The following SANBR variants were observed in gnomAD, a reference collection of about 807,000 sequenced individuals.
The protein encoded by SANBR is SANT and BTB domain regulator of CSR, also known as SANT and BTB domain regulator of class switch recombination.
A neutral mutation model predicts 101.8 loss-of-function variants in SANBR; 77 were observed. The ratio of observed to expected loss-of-function variants is 0.76; its 90% confidence interval spans 0.63 to 0.91. SANBR has a LOEUF of 0.91. Ranked by LOEUF, SANBR falls within the 40% of genes least tolerant of loss-of-function variation. The pLI is 0.00. For missense variants in SANBR, 875 were observed against 853.0 expected, an observed-to-expected ratio of 1.03 and a Z score of -0.32; for synonymous variants, 279 against 274.7, an observed-to-expected ratio of 1.02 and a Z score of -0.15.
intron 8 of SANBR, among the ~76,000 whole-genome samples, chr2:61,083,734 T>G (rs1573606114): frequency 6.6e-6 from 1 of 151,618 alleles, no homozygotes; most frequent in African/African-American, 2.4e-5. Context: ...CCAGGTGTGG[T>G]GGCAGGCGCC....
chr2:61,134,481 C>G (rs1011114803), intron 21 of SANBR, among the ~76,000 whole-genome samples: 2 of 152,228 alleles, frequency 1.3e-5, no homozygotes, highest in East Asian at 1.9e-4. Flanking sequence ...CTGACCTCTT[C>G]TTTCTGTGTG....
chr2:61,078,483 G>A (rs903306080), intron 6 of SANBR, among the ~76,000 whole-genome samples: 1 of 151,942 alleles, frequency 6.6e-6, no homozygotes, highest in African/African-American at 2.4e-5. Context: ...GTGCAACGGT[G>A]CAATCTCAGC....
chr2:61,118,381 C>T (rs1343908107), intron 20 of SANBR, among the ~76,000 whole-genome samples: 4 of 151,474 alleles, frequency 2.6e-5, no homozygotes, highest in South Asian at 2.1e-4. Context: ...AGCTGGGTTA[C>T]AGGCATGCAC....
chr2:61,097,780 T>C lies in SANBR; in HGVS notation c.1293T>C (p.Asn431=), dbSNP rs369747239. 28 of 1,613,416 alleles carry C rather than the reference T, an allele frequency of 1.7e-5. No homozygotes were observed. The highest frequency in any genetic ancestry group is 2.4e-5 in the Non-Finnish European group (28 of 1,179,496). ...VVYPTAASSL[N]TVGTGIYPCC... ...ATCCTACTGCAGCAAGTTCATTGAA[T>C]ACTGTTGGCACTGGAATTTATCCCT... The change falls in exon 12 of 22, where the codon AAT becomes AAC. Residue 431 remains asparagine, a synonymous_variant. Transcript: ENST00000402291.
intron 16 of SANBR, among the ~76,000 whole-genome samples, chr2:61,113,569 T>C (rs557938903): frequency 1.3e-5 from 2 of 152,352 alleles, no homozygotes; most frequent in South Asian, 4.1e-4. Flanking sequence ...TCCTCCGTGT[T>C]TTTATGCTAT....
chr2:61,097,731 A>C lies in SANBR; in HGVS notation c.1244A>C (p.Gln415Pro), dbSNP rs1348843762. The C allele has an allele frequency of 6.2e-7, 1 of 1,608,336 alleles. No individual in the cohort carries two copies. The highest frequency in any genetic ancestry group is 1.3e-5 in the African/African-American group (1 of 74,958). Residue 415 changes from glutamine to proline, a missense_variant, in exon 12 of 22, where the codon CAA (glutamine) becomes CCA (proline). Transcript: ENST00000402291. ...AFLCIEFSHCQYHSETVVYPT... is the reference protein window; with the variant it reads ...AFLCIEFSHCPYHSETVVYPT... ...CTCTGTATTGAATTTTCACATTGTC[A>C]ATACCACTCAGAAACAGTGGTTTAT... is the stretch of plus-strand genomic sequence containing the variant.
chr2:61,126,449 G>T (rs1273097821), downstream of SANBR, among the ~76,000 whole-genome samples: 1 of 152,042 alleles, frequency 6.6e-6, no homozygotes, highest in Non-Finnish European at 1.5e-5. Context: ...TTTCGATGTG[G>T]CTCAGATCAC....
chr2:61,115,346 A>ATT lies in SANBR; in HGVS notation c.1745-624_1745-623dup, dbSNP rs34181850. Among the ~76,000 whole-genome samples the ATT allele has an allele frequency of 2.8e-3, 417 of 147,588 alleles. 1 individual carries two copies. Among genetic ancestry groups the ATT allele is most frequent in the African/African-American group, 9.3e-3 (375 of 40,308 alleles). ...TCACTCATCGTATATATATATATAT[A>ATT]TTTTTTTTTTGAGACAGAGTCTCGC... is the stretch of plus-strand genomic sequence containing the variant. On this transcript the variant is annotated intron_variant, in intron 16 of 21. Coordinates refer to ENST00000402291, the MANE Select transcript of SANBR (RefSeq NM_001129993.3).
chr2:61,066,847 C>T (rs1488052415), intron 1 of SANBR, among the ~76,000 whole-genome samples: 2 of 151,556 alleles, frequency 1.3e-5, no homozygotes, highest in African/African-American at 4.9e-5. Flanking sequence ...AGAAGGGGGT[C>T]GGGGAGGGGA....
intron 20 of SANBR, among the ~76,000 whole-genome samples, chr2:61,133,569 A>G (rs1684753601): frequency 6.6e-6 from 1 of 152,230 alleles, no homozygotes; most frequent in Non-Finnish European, 1.5e-5. Flanking sequence ...CCTGGGCAAC[A>G]TACCGAGACC....
intron 11 of SANBR, among the ~76,000 whole-genome samples, chr2:61,096,881 T>C (rs1238329631): frequency 1.3e-5 from 2 of 152,184 alleles, no homozygotes; most frequent in Non-Finnish European, 2.9e-5. Flanking sequence ...GGGCCAGGCA[T>C]GGTGGCTCAC....
chr2:61,077,248 T>C, intron 6 of SANBR, 90 bp downstream of exon 6: 1 of 866,656 alleles, frequency 1.2e-6, no homozygotes, highest in Non-Finnish European at 1.9e-6. Context: ...GGAAAATTGT[T>C]TGGACACCGG....
intron 5 of SANBR, among the ~76,000 whole-genome samples, chr2:61,074,799 G>C (rs1681673532): frequency 6.6e-6 from 1 of 151,988 alleles, no homozygotes; most frequent in South Asian, 2.1e-4. Flanking sequence ...TTATACTCTA[G>C]TCTAAAAAAC....
At position 61,122,844 on chromosome 2, in the gene SANBR, C is replaced by A. The variant is rs1684388592; in HGVS notation, c.*682C>A. 4 of 984,804 alleles carry A rather than the reference C, an allele frequency of 4.1e-6. No homozygotes were observed. The African/African-American group carries it at 7.0e-5, about 17-fold the overall frequency. 61.0% of individuals were successfully genotyped at this position (984,804 alleles called of 1,614,324 possible). On this transcript the variant is annotated 3_prime_UTR_variant, in exon 22 of 22. Transcript: ENST00000402291. ...TCTGAGCTGGAATTACTGATTATTA[C>A]TCTGTCCTCTGTGAAACTAGTGGCA...
chr2:61,128,586 A>G (rs928018733), downstream of SANBR, among the ~76,000 whole-genome samples: 3 of 151,576 alleles, frequency 2.0e-5, no homozygotes, highest in Admixed American at 1.3e-4. Context: ...TCCACCTCCC[A>G]GGTTCAAGTG....
In SANBR at chr2:61,082,548, G is replaced by A. The variant is rs554829730; in HGVS notation, c.730-606G>A. 3.9e-5 allele frequency among the ~76,000 whole-genome samples: 6 copies of A among 152,192 alleles called. No individual in the cohort carries two copies. The South Asian group carries it at 6.2e-4, about 16-fold the overall frequency. Reference sequence around the variant, plus strand: ...AATTATAAGAAGTTACAGACCAGGCGCGGTGGCTCACGCCTGTAATCCTAG... The same window carrying A: ...AATTATAAGAAGTTACAGACCAGGCACGGTGGCTCACGCCTGTAATCCTAG... On this transcript the variant is annotated intron_variant, in intron 7 of 21. Transcript: ENST00000402291.
At chr2:61,069,376 A>C (rs561230473) in intron 2 of SANBR, among the ~76,000 whole-genome samples, 2 of 151,764 alleles carry the variant, frequency 1.3e-5, no homozygotes, top group South Asian at 4.1e-4. Context: ...GCATTTCAGC[A>C]AGGTTCGATG....
chr2:61,074,083 C>G (rs1329733330), intron 5 of SANBR, among the ~76,000 whole-genome samples: 1 of 152,124 alleles, frequency 6.6e-6, no homozygotes, highest in Non-Finnish European at 1.5e-5. Flanking sequence ...AACCATCACC[C>G]AAATCAAGAC....
intron 20 of SANBR, among the ~76,000 whole-genome samples, chr2:61,119,428 GAA>G (rs1260078220): frequency 2.6e-5 from 4 of 151,528 alleles, no homozygotes; most frequent in Admixed American, 2.6e-4. Flanking sequence ...TTTAGACAAT[GAA>G]AAGACAAGCC....
Sources: gnomAD v4.1 joint callset for allele counts (sites outside exome capture counted in the v4.1 genomes callset) on GRCh38, gnomAD v4.1.1 for gene constraint, MANE v1.5 for transcripts, NCBI Gene and HGNC (gene_info 2026-07-23, HGNC 2026-07-21) for gene names.